LRRC27: variants seen among roughly 807,000 people sequenced by gnomAD.
The protein encoded by LRRC27 is leucine rich repeat containing 27, also known as leucine-rich repeat-containing protein 27.
Under a neutral mutation model 55.0 loss-of-function variants are expected in LRRC27, and 57 were observed. That is an observed-to-expected ratio of 1.04 (90% confidence interval 0.84 to 1.29). LRRC27 has a LOEUF of 1.29. Among genes scored for constraint, LRRC27 ranks in the 50% most tolerant of loss-of-function variants. The pLI, the probability that LRRC27 is intolerant of heterozygous loss-of-function variation, is 0.00. For synonymous variants in LRRC27, 278 were observed against 251.9 expected (o/e 1.10, Z -0.98); for missense variants, 721 against 651.5 (o/e 1.11, Z -1.16).
chr10:132,347,517 G>C (rs1255672471), intron 5 of LRRC27, among the ~76,000 whole-genome samples: 1 of 151,568 alleles, frequency 6.6e-6, no homozygotes, highest in African/African-American at 2.4e-5. Flanking sequence ...GTCCAGTGGG[G>C]CCTGCATGGG....
rs1464568100 is a variant in LRRC27 at position 132,348,105 on chromosome 10, GA to G, written c.678del (p.Glu227ArgfsTer14). 1.2e-6 allele frequency: 2 copies of G among 1,614,114 alleles called. No homozygotes were observed. The highest frequency in any genetic ancestry group is 2.2e-5 in the South Asian group (2 of 91,086). ...CTCAGGACCCAGAGGGGGCTGTGAT[GA>G]AAGAGAAGGCCAGCTTTCTCCCACC... ...NAQDPEGAVM[K>X]EKASFLPPVE... On this transcript the variant is annotated frameshift_variant, in exon 6 of 11. Transcript: ENST00000368614. LOFTEE classifies it high-confidence loss of function. This position sits in a 1 kb window ranked among gnomAD's most constrained non-coding sequence, Gnocchi z 4.2.
Position 132,348,018 on chromosome 10 carries a change from C to T in LRRC27, c.588C>T (p.Asp196=). 6.2e-7 allele frequency: 1 copy of T among 1,612,192 alleles called. No homozygotes were observed. The highest frequency in any genetic ancestry group is 8.5e-7 in the Non-Finnish European group (1 of 1,179,444). The change falls in exon 6 of 11, where the codon GAC becomes GAT. Residue 196 remains aspartate, a synonymous_variant. Transcript: ENST00000368614. The surrounding 1 kb of genome is among the most constrained non-coding windows in gnomAD (Gnocchi z 4.2). ...CGGTTAGAGAGATGACCCTCCGTGACCTCCCGAGCCCAGGACTGGAGTTGT... is the reference window on the plus strand; with the variant it reads ...CGGTTAGAGAGATGACCCTCCGTGATCTCCCGAGCCCAGGACTGGAGTTGT... The part of the protein sequence containing the change: ...APPVREMTLR[D]LPSPGLELSG...
chr10:132,338,710 CTTT>C (rs928264937), intron 3 of LRRC27, among the ~76,000 whole-genome samples: 3 of 139,996 alleles, frequency 2.1e-5, no homozygotes, highest in East Asian at 2.0e-4. Context: ...TTCTTTCTTT[CTTT>C]TTTTTTTTTT....
Position 132,365,313 on chromosome 10 carries a change from G to C in LRRC27, c.1290-111G>C, listed in dbSNP as rs147211488. ...ACAGCTGTGCGGGAGCCTCAGGACC[G>C]CTGTTTGGTCTGGGAAGAAAGGCAC... On this transcript the variant is annotated intron_variant, in intron 9 of 10. Coordinates refer to ENST00000368614, the MANE Select transcript of LRRC27 (RefSeq NM_030626.3). 7.6e-6 allele frequency: 11 copies of C among 1,442,474 alleles called. No homozygotes were observed. The South Asian group carries it at 1.3e-4, about 17-fold the overall frequency. The allele number at this position is 1,442,474 out of a possible 1,614,324, so 89.4% of individuals were successfully genotyped here.
In LRRC27 at chr10:132,372,220, C is replaced by G. The variant is rs568581903; in HGVS notation, c.1417-2846C>G. ...GTGGGGGTCGGGGTGCGGTGGCTCA[C>G]GCCTGCAATCCCAGCTGAAAAGCAC... On this transcript the variant is annotated intron_variant, in intron 10 of 10. Coordinates refer to ENST00000368614, the MANE Select transcript of LRRC27 (RefSeq NM_030626.3). This position sits in a 1 kb window ranked among gnomAD's most constrained non-coding sequence, Gnocchi z 4.0. Among the ~76,000 whole-genome samples, 1 of 148,798 alleles carries G rather than the reference C, an allele frequency of 6.7e-6. No homozygotes were observed. Among genetic ancestry groups the G allele is most frequent in the Non-Finnish European group, 1.5e-5 (1 of 67,478 alleles).
Position 132,333,722 on chromosome 10 carries a change from C to T in LRRC27, c.198C>T (p.Ile66=), listed in dbSNP as rs1006164130. Residue 66 remains isoleucine, a synonymous_variant, in exon 2 of 11, where the codon ATC becomes ATT. Coordinates refer to ENST00000368614, the MANE Select transcript of LRRC27 (RefSeq NM_030626.3). The part of the protein sequence containing the change: ...GLCRLEEVFR[I]PSLQQLHLQR... Reference sequence around the variant, plus strand: ...GCCGTTTGGAGGAGGTCTTTAGAATCCCCAGCCTTCAAGTAAGTGGGGCTG... The same window carrying T: ...GCCGTTTGGAGGAGGTCTTTAGAATTCCCAGCCTTCAAGTAAGTGGGGCTG... 26 of 1,612,756 alleles carry T rather than the reference C, an allele frequency of 1.6e-5. No individual in the cohort carries two copies. Among genetic ancestry groups the T allele is most frequent in the African/African-American group, 4.0e-5 (3 of 74,918 alleles).
At chr10:132,367,775 G>A (rs1439008972) in intron 10 of LRRC27, among the ~76,000 whole-genome samples, 1 of 152,190 alleles carries the variant, frequency 6.6e-6, no homozygotes, top group Admixed American at 6.5e-5. Context: ...CAAGAAACTA[G>A]AAGCTTTTCC....
intron 3 of LRRC27, among the ~76,000 whole-genome samples, chr10:132,341,924 G>T (rs2067433681): frequency 6.6e-6 from 1 of 152,172 alleles, no homozygotes. Flanking sequence ...GGGGTGGGTG[G>T]TACCCCTGGC....
chr10:132,344,981 C>T (rs74893676), intron 5 of LRRC27: 15,534 of 202,502 alleles, frequency 0.077, 782 homozygotes, highest in African/African-American at 0.15. Context: ...CATTAGGCAG[C>T]TATTTTAAAA....
chr10:132,365,935 G>A (rs2069058722), intron 10 of LRRC27, among the ~76,000 whole-genome samples: 1 of 152,252 alleles, frequency 6.6e-6, no homozygotes, highest in South Asian at 2.1e-4. Context: ...CCTCTTCAGA[G>A]CATGCGCTCT....
chr10:132,357,797 C>T (rs141911407), intron 8 of LRRC27, among the ~76,000 whole-genome samples: 275 of 152,294 alleles, frequency 1.8e-3, no homozygotes, highest in Middle Eastern at 6.8e-3. Flanking sequence ...GTTCAGTCAG[C>T]GAGTATTGAT....
chr10:132,361,710 G>A (rs1017511639), intron 9 of LRRC27, 135 bp downstream of exon 9: 11 of 681,268 alleles, frequency 1.6e-5, no homozygotes, highest in East Asian at 1.1e-4. Context: ...AGGCTGTGGC[G>A]GGCTCCAGGC....
chr10:132,335,842 GC>G (rs2067101924), intron 2 of LRRC27, among the ~76,000 whole-genome samples: 1 of 152,188 alleles, frequency 6.6e-6, no homozygotes, highest in Non-Finnish European at 1.5e-5. Context: ...AGCTGGGCAG[GC>G]TGATAAGAAC....
rs1267755582 is a variant in LRRC27, at chr10:132,364,483, A to G, written c.1290-941A>G. 5.4e-3 allele frequency among the ~76,000 whole-genome samples: 10 copies of G among 1,854 alleles called. No homozygotes were observed. In the East Asian group the frequency reaches 0.083, roughly 15 times the overall value. 1.2% of individuals were successfully genotyped at this position (1,854 alleles called of 152,430 possible). A position where few individuals can be genotyped will look rare whatever the true frequency, so the allele number is the denominator to read the frequency against. ...CACCCACCCACACTTACACCCACCC[A>G]CACTTACACCCACCCTTACATCTAC... On this transcript the variant is annotated intron_variant, in intron 9 of 10. Transcript: ENST00000368614.
Position 132,348,930 on chromosome 10 carries a change from G to C in LRRC27, c.926+574G>C. On this transcript the variant is annotated intron_variant, in intron 6 of 10. Coordinates refer to ENST00000368614, the MANE Select transcript of LRRC27 (RefSeq NM_030626.3). The surrounding 1 kb of genome is among the most constrained non-coding windows in gnomAD (Gnocchi z 4.2). ...CTTTGCCTTTGGTACAGTGAGTTTG[G>C]GGGCCGAGATTTTATTTTCCTTTCA... The C allele has an allele frequency of 6.6e-7, 1 of 1,513,106 alleles. No individual in the cohort carries two copies. Among genetic ancestry groups the C allele is most frequent in the Non-Finnish European group, 9.0e-7 (1 of 1,107,626 alleles). 93.7% of individuals were successfully genotyped at this position (1,513,106 alleles called of 1,614,324 possible). A position where few individuals can be genotyped will look rare whatever the true frequency, so the allele number is the denominator to read the frequency against.
At position 132,373,601 on chromosome 10, in the gene LRRC27, G is replaced by A. The variant is rs760694137; in HGVS notation, c.1417-1465G>A. Among the ~76,000 whole-genome samples, 9 of 152,302 alleles carry A rather than the reference G, an allele frequency of 5.9e-5. No individual in the cohort carries two copies. In the East Asian group the frequency reaches 1.4e-3, roughly 23 times the overall value. ...CACACAATAAGACGTTTTCAGATAC[G>A]CAAAGACTCAAAATGCTGCTTCCCA... On this transcript the variant is annotated intron_variant, in intron 10 of 10. Coordinates refer to ENST00000368614, the MANE Select transcript of LRRC27 (RefSeq NM_030626.3).
intron 7 of LRRC27, chr10:132,353,173 A>C (rs2068147794): frequency 7.0e-7 from 1 of 1,420,314 alleles, no homozygotes; most frequent in Admixed American, 2.8e-5. Flanking sequence ...GAGGTCGAGG[A>C]GGAAGGGAGA....
At chr10:132,364,141 C>G (rs1347969367) in intron 9 of LRRC27, among the ~76,000 whole-genome samples, 7 of 152,038 alleles carry the variant, frequency 4.6e-5, no homozygotes, top group African/African-American at 1.7e-4. Flanking sequence ...CCTGAGGGCT[C>G]TGTTCTGTAG....
At chr10:132,331,917 C>T (rs1264030897), upstream of LRRC27, 6 of 367,834 alleles carry the variant, frequency 1.6e-5, no homozygotes, top group African/African-American at 3.3e-5. Flanking sequence ...CGCACCACAA[C>T]CCCCCCACCG....
Sources: gnomAD v4.1 joint callset for allele counts (sites outside exome capture counted in the v4.1 genomes callset) on GRCh38, gnomAD v4.1.1 for gene constraint, Gnocchi (gnomAD v3.1) non-coding constraint, MANE v1.5 for transcripts, NCBI Gene and HGNC (gene_info 2026-07-23, HGNC 2026-07-21) for gene names.